Variants in PHACTR1 observed in about 807,000 individuals in gnomAD.
PHACTR1 encodes RPEL repeat containing 1.
A neutral mutation model predicts 69.2 loss-of-function variants in PHACTR1; 16 were observed. That is an observed-to-expected ratio of 0.23 (90% CI 0.16 to 0.35). The LOEUF (loss-of-function observed/expected upper bound fraction) is 0.35, where lower values mean the gene tolerates loss of function less well. PHACTR1 is among the 10% of genes least tolerant of loss of function. PHACTR1 has a pLI of 1.00. For missense variants in PHACTR1, 510 were observed against 734.7 expected, an observed-to-expected ratio of 0.69 and a Z score of 3.54; for synonymous variants, 312 against 284.5, an observed-to-expected ratio of 1.10 and a Z score of -0.97.
chr6:12,747,322 T>G (rs1423692095), intron 3 of PHACTR1, among the ~76,000 whole-genome samples: 1 of 152,148 alleles, frequency 6.6e-6, no homozygotes, highest in African/African-American at 2.4e-5. Flanking sequence ...TTTTCTTTTT[T>G]TTCTTCTTCC....
intron 5 of PHACTR1, among the ~76,000 whole-genome samples, chr6:13,141,552 C>T (rs1822440844): frequency 6.6e-6 from 1 of 152,082 alleles, no homozygotes; most frequent in Non-Finnish European, 1.5e-5. Flanking sequence ...TCTGGGTGCT[C>T]ATTTAAGGAA....
chr6:13,110,440 G>C (rs1205589028), intron 5 of PHACTR1, among the ~76,000 whole-genome samples: 1 of 152,210 alleles, frequency 6.6e-6, no homozygotes, highest in African/African-American at 2.4e-5. Context: ...GAATTTGAAT[G>C]ACTTCAGCTT....
At chr6:13,039,008 A>AT (rs1803774134) in intron 4 of PHACTR1, among the ~76,000 whole-genome samples, 1 of 152,200 alleles carries the variant, frequency 6.6e-6, no homozygotes, top group East Asian at 1.9e-4. Flanking sequence ...TTTAGTTCAT[A>AT]TCTCATTGGT....
chr6:13,140,242 A>G (rs1822224975), intron 5 of PHACTR1, among the ~76,000 whole-genome samples: 1 of 152,220 alleles, frequency 6.6e-6, no homozygotes, highest in Admixed American at 6.5e-5. Flanking sequence ...TCAAAAAATT[A>G]AAAATGGAAT....
intron 5 of PHACTR1, among the ~76,000 whole-genome samples, chr6:13,137,936 G>A (rs1821814015): frequency 6.6e-6 from 1 of 152,214 alleles, no homozygotes; most frequent in Admixed American, 6.5e-5. Context: ...ATTAAAGATA[G>A]AGCAGTTTCC....
rs927452253 is a variant in PHACTR1 at position 12,728,414 on chromosome 6, GTTATAT to G, written c.103+9585_103+9590del. Reference sequence around the variant, plus strand: ...TCACGTACCTTTGGAATTTTATAAGGTTATATTTATATTTATATTTATAAAACTGGG... The same window carrying G: ...TCACGTACCTTTGGAATTTTATAAGGTTATATTTATATTTATAAAACTGGG... On this transcript the variant is annotated intron_variant, in intron 3 of 14. Coordinates refer to ENST00000332995, the MANE Select transcript of PHACTR1 (RefSeq NM_030948.6). 4.1e-4 allele frequency among the ~76,000 whole-genome samples: 62 copies of G among 151,936 alleles called. No homozygotes were observed. The East Asian group carries it at 9.8e-3, about 24-fold the overall frequency.
intron 4 of PHACTR1, among the ~76,000 whole-genome samples, chr6:12,952,413 A>G (rs1223963991): frequency 6.6e-6 from 1 of 152,112 alleles, no homozygotes; most frequent in East Asian, 1.9e-4. Context: ...CCCAACCCCG[A>G]TCTTTTCATT....
At position 13,117,348 on chromosome 6, in the gene PHACTR1, G is replaced by C. The variant is rs372785278; in HGVS notation, c.416-42856G>C. ...ATCCTTTTCATTGTTTGTTATATCT[G>C]GTCATTTTTTGAAACTTGGGCTCTT... On this transcript the variant is annotated intron_variant, in intron 5 of 14. Transcript: ENST00000332995. Among the ~76,000 whole-genome samples, 7 of 152,228 alleles carry C rather than the reference G, an allele frequency of 4.6e-5. No individual in the cohort carries two copies. In the East Asian group the frequency reaches 1.2e-3, roughly 25 times the overall value.
rs374864467 is a variant in PHACTR1, at chr6:12,986,713, G to T, written c.251-66652G>T. 3.9e-5 allele frequency among the ~76,000 whole-genome samples: 6 copies of T among 152,360 alleles called. No homozygotes were observed. The East Asian group carries it at 1.2e-3, about 29-fold the overall frequency. On this transcript the variant is annotated intron_variant, in intron 4 of 14. Coordinates refer to ENST00000332995, the MANE Select transcript of PHACTR1 (RefSeq NM_030948.6). Reference sequence around the variant, plus strand: ...GCCAGCATAGAAGACACCTACGGAAGATTGGTGGGGAGGAGGATCCATCTT... The same window carrying T: ...GCCAGCATAGAAGACACCTACGGAATATTGGTGGGGAGGAGGATCCATCTT...
intron 4 of PHACTR1, among the ~76,000 whole-genome samples, chr6:13,021,660 G>A (rs1243452529): frequency 1.3e-5 from 2 of 152,130 alleles, no homozygotes; most frequent in Non-Finnish European, 2.9e-5. Context: ...GTATATAAAA[G>A]TTCAGTTTCT....
intron 4 of PHACTR1, among the ~76,000 whole-genome samples, chr6:12,805,577 TTC>T (rs771502790): frequency 6.6e-6 from 1 of 151,888 alleles, no homozygotes; most frequent in East Asian, 1.9e-4. Context: ...CTTTCTTTCT[TTC>T]TCTCTCTCTG....
At chr6:13,232,542 G>A (rs914411245) in intron 10 of PHACTR1, among the ~76,000 whole-genome samples, 3 of 152,190 alleles carry the variant, frequency 2.0e-5, no homozygotes, top group African/African-American at 7.2e-5. Flanking sequence ...GCTCTCTAGA[G>A]AGCCTGTCCC....
At chr6:12,918,387 G>A (rs912874141) in intron 4 of PHACTR1, among the ~76,000 whole-genome samples, 2 of 152,054 alleles carry the variant, frequency 1.3e-5, no homozygotes, top group East Asian at 1.9e-4. Context: ...ACACATATCC[G>A]TATACTTCAA....
intron 8 of PHACTR1, among the ~76,000 whole-genome samples, chr6:13,218,741 C>T (rs1247249506): frequency 6.7e-6 from 1 of 150,132 alleles, no homozygotes; most frequent in Non-Finnish European, 1.5e-5. Flanking sequence ...ATTGCTTGAG[C>T]CCAAAGGTCC....
chr6:12,852,062 T>C (rs894449773), intron 4 of PHACTR1, among the ~76,000 whole-genome samples: 3 of 152,198 alleles, frequency 2.0e-5, no homozygotes, highest in Non-Finnish European at 2.9e-5. Context: ...CTCAAACTCC[T>C]GACCTCAGGG....
At chr6:13,087,054 G>T (rs1812433803) in intron 5 of PHACTR1, among the ~76,000 whole-genome samples, 1 of 149,788 alleles carries the variant, frequency 6.7e-6, no homozygotes, top group African/African-American at 2.4e-5. Context: ...TTATATCTTT[G>T]TTTAAGTATT....
At chr6:13,084,569 C>T (rs866289344) in intron 5 of PHACTR1, among the ~76,000 whole-genome samples, 1 of 150,482 alleles carries the variant, frequency 6.6e-6, no homozygotes, top group South Asian at 2.1e-4. Context: ...AAAATGAACA[C>T]ATAATAAAGG....
intron 4 of PHACTR1, among the ~76,000 whole-genome samples, chr6:12,940,258 A>G (rs1355864590): frequency 6.6e-6 from 1 of 152,232 alleles, no homozygotes; most frequent in Admixed American, 6.5e-5. Flanking sequence ...TTGCAATTAA[A>G]TAACTCATGG....
At chr6:13,009,296 AG>A in intron 4 of PHACTR1, among the ~76,000 whole-genome samples, 1 of 152,176 alleles carries the variant, frequency 6.6e-6, no homozygotes, top group East Asian at 1.9e-4. Flanking sequence ...AACCCACTGC[AG>A]GGTGGATAGG....
Sources: allele counts gnomAD v4.1 joint callset (sites outside exome capture counted in the v4.1 genomes callset), GRCh38; gene constraint gnomAD v4.1.1; transcripts MANE v1.5; gene names NCBI Gene and HGNC (gene_info 2026-07-23, HGNC 2026-07-21).